THEMIS: variants seen among roughly 807,000 people sequenced by gnomAD.
THEMIS encodes the protein protein THEMIS.
In THEMIS, 37 loss-of-function variants were observed where a neutral mutation model predicts 52.6. That is an observed-to-expected ratio of 0.70 (90% CI 0.54 to 0.93). THEMIS has a LOEUF of 0.93. THEMIS is among the 40% of genes least tolerant of loss of function. The pLI is 0.00. For synonymous variants in THEMIS, 292 were observed against 272.7 expected (o/e 1.07, Z -0.70); for missense variants, 808 against 763.1 (o/e 1.06, Z -0.69).
chr6:127,812,877 C>T lies in THEMIS; in HGVS notation c.1758+6G>A, dbSNP rs1777957948. The stretch of plus-strand genomic sequence containing the variant: ...CAGAGAAAACATTGCAAAACCATAG[C>T]CTTACCTTGGGAGACTTGGGCAGGT... On this transcript the variant is annotated splice_donor_region_variant and intron_variant, in intron 4 of 5. Transcript: ENST00000368248. 2.5e-6 allele frequency: 4 copies of T among 1,581,942 alleles called. No individual in the cohort carries two copies. Among genetic ancestry groups the T allele is most frequent in the Non-Finnish European group, 3.4e-6 (4 of 1,163,834 alleles).
At chr6:127,792,586 G>A (rs1470380727) in intron 4 of THEMIS, among the ~76,000 whole-genome samples, 1 of 152,154 alleles carries the variant, frequency 6.6e-6, no homozygotes, top group African/African-American at 2.4e-5. Flanking sequence ...TTGTGTTTCT[G>A]GCCTTCAAAA....
At chr6:127,724,072 T>C (rs1269165429) in intron 4 of THEMIS, among the ~76,000 whole-genome samples, 2 of 152,102 alleles carry the variant, frequency 1.3e-5, no homozygotes, top group Admixed American at 6.6e-5. Context: ...GGCCAGTATA[T>C]AGTCACACTC....
At chr6:127,777,929 A>C (rs982807679) in intron 4 of THEMIS, among the ~76,000 whole-genome samples, 2 of 152,108 alleles carry the variant, frequency 1.3e-5, no homozygotes, top group East Asian at 3.9e-4. Context: ...GAATCACAAG[A>C]ATCTACTCTT....
chr6:127,771,046 C>T lies in THEMIS; in HGVS notation c.1758+41837G>A, dbSNP rs535653785. Among the ~76,000 whole-genome samples, 4 of 152,256 alleles carry T rather than the reference C, an allele frequency of 2.6e-5. No individual in the cohort carries two copies. In the East Asian group the frequency reaches 7.7e-4, roughly 29 times the overall value. On this transcript the variant is annotated intron_variant, in intron 4 of 5. Coordinates refer to ENST00000368248, the MANE Select transcript of THEMIS (RefSeq NM_001010923.3). ...CCCCATTGTCTCAGCCCAAAATCTCCTTATGCTGATAAGCAACTTCAGCAA... is the reference window on the plus strand; with the variant it reads ...CCCCATTGTCTCAGCCCAAAATCTCTTTATGCTGATAAGCAACTTCAGCAA...
chr6:127,705,877 T>A (rs1773791796), downstream of THEMIS, among the ~76,000 whole-genome samples: 1 of 152,162 alleles, frequency 6.6e-6, no homozygotes, highest in South Asian at 2.1e-4. Context: ...AGTAGTATAA[T>A]CCATGCTCCA....
At chr6:127,788,348 C>T (rs1255626511) in intron 4 of THEMIS, among the ~76,000 whole-genome samples, 1 of 152,080 alleles carries the variant, frequency 6.6e-6, no homozygotes, top group Admixed American at 6.6e-5. Context: ...GGGATTGACA[C>T]CAACCTAGTG....
intron 3 of THEMIS, among the ~76,000 whole-genome samples, chr6:127,823,963 T>G (rs1778421438): frequency 6.6e-6 from 1 of 152,144 alleles, no homozygotes; most frequent in South Asian, 2.1e-4. Flanking sequence ...GGAGTGCCTA[T>G]GTGCCTGAGG....
chr6:127,728,795 T>C (rs911437693), intron 4 of THEMIS, among the ~76,000 whole-genome samples: 7 of 151,850 alleles, frequency 4.6e-5, no homozygotes, highest in Admixed American at 4.6e-4. Context: ...ATGAGTTCAA[T>C]GGAAAAAAAT....
intron 4 of THEMIS, among the ~76,000 whole-genome samples, chr6:127,743,630 A>C (rs1185153349): frequency 6.6e-6 from 1 of 152,168 alleles, no homozygotes; most frequent in East Asian, 1.9e-4. Flanking sequence ...CAGATGCTGA[A>C]TTCAAACAAA....
chr6:127,890,151 A>G (rs972594879), intron 1 of THEMIS, among the ~76,000 whole-genome samples: 5 of 152,180 alleles, frequency 3.3e-5, no homozygotes, highest in African/African-American at 4.8e-5. Flanking sequence ...TACAATGTAT[A>G]TTGGACCTTG....
chr6:127,742,424 T>TA lies in THEMIS; in HGVS notation c.1759-22602dup, dbSNP rs538234434. Among the ~76,000 whole-genome samples, 51 of 151,830 alleles carry TA rather than the reference T, an allele frequency of 3.4e-4. 2 individuals are homozygous for TA. In the East Asian group the frequency reaches 4.4e-3, roughly 13 times the overall value. On this transcript the variant is annotated intron_variant, in intron 4 of 5. Transcript: ENST00000368248. Reference sequence around the variant, plus strand: ...AACTCTGCTTCTGCTTATGTATATTTAAAAAAAACCTAAAAGCAGAGACTC... The same window carrying TA: ...AACTCTGCTTCTGCTTATGTATATTTAAAAAAAAACCTAAAAGCAGAGACTC...
intron 4 of THEMIS, among the ~76,000 whole-genome samples, chr6:127,796,936 A>G (rs538512789): frequency 1.7e-3 from 253 of 152,348 alleles, no homozygotes; most frequent in South Asian, 2.9e-3. Flanking sequence ...GAAATCCCAT[A>G]GTCTTTAGTG....
intron 4 of THEMIS, among the ~76,000 whole-genome samples, chr6:127,785,273 T>C (rs1776906378): frequency 6.9e-6 from 1 of 145,664 alleles, no homozygotes; most frequent in Non-Finnish European, 1.5e-5. Flanking sequence ...TTATCACCTA[T>C]CTACCTGTCA....
At chr6:127,907,963 T>C (rs1412889260) in intron 1 of THEMIS, among the ~76,000 whole-genome samples, 3 of 152,104 alleles carry the variant, frequency 2.0e-5, no homozygotes, top group African/African-American at 7.2e-5. Context: ...ATTATTTTAA[T>C]AACCTTGAAA....
chr6:127,898,411 A>G (rs984790895), intron 1 of THEMIS, among the ~76,000 whole-genome samples: 5 of 151,842 alleles, frequency 3.3e-5, no homozygotes, highest in African/African-American at 7.2e-5. Context: ...TATAGAATCA[A>G]TTGATTTAAT....
At chr6:127,893,671 G>A (rs1001440998) in intron 1 of THEMIS, among the ~76,000 whole-genome samples, 13 of 152,010 alleles carry the variant, frequency 8.6e-5, no homozygotes, top group Non-Finnish European at 2.9e-5. Flanking sequence ...TGTCAACGGC[G>A]AGTATTCAAT....
chr6:127,741,935 T>A (rs770412932), intron 4 of THEMIS, among the ~76,000 whole-genome samples: 1 of 152,008 alleles, frequency 6.6e-6, no homozygotes, highest in African/African-American at 2.4e-5. Context: ...GTCAAGAGGA[T>A]CACATGAAAT....
At chr6:127,858,158 A>T (rs1465674777) in intron 1 of THEMIS, among the ~76,000 whole-genome samples, 1 of 152,092 alleles carries the variant, frequency 6.6e-6, no homozygotes, top group Non-Finnish European at 1.5e-5. Flanking sequence ...ATTTCATATC[A>T]ATTCACATGG....
chr6:127,712,480 T>C (rs1323249431), intron 5 of THEMIS, among the ~76,000 whole-genome samples: 1 of 151,954 alleles, frequency 6.6e-6, no homozygotes, highest in African/African-American at 2.4e-5. Flanking sequence ...ATTTAGGTTC[T>C]AAAATCCAAA....
Sources: allele counts gnomAD v4.1 joint callset (sites outside exome capture counted in the v4.1 genomes callset), GRCh38; gene constraint gnomAD v4.1.1; transcripts MANE v1.5; gene names NCBI Gene and HGNC (gene_info 2026-07-23, HGNC 2026-07-21).